Variants in ZNF385D observed in about 807,000 individuals in gnomAD.
The protein encoded by ZNF385D is zinc finger protein 385D.
ZNF385D carries 15 observed loss-of-function variants against 35.8 expected under a neutral mutation model. The ratio of observed to expected loss-of-function variants is 0.42; its 90% CI spans 0.28 to 0.64. The LOEUF is 0.64. Among genes scored for constraint, ZNF385D ranks in the 30% least tolerant of loss-of-function variants. The pLI is 0.23. For missense variants in ZNF385D, 474 were observed against 494.6 expected (o/e 0.96, Z 0.39); for synonymous variants, 212 against 186.8 (o/e 1.13, Z -1.10).
chr3:22,322,598 A>C (rs1242682834), intron 2 of ZNF385D, among the ~76,000 whole-genome samples: 1 of 152,188 alleles, frequency 6.6e-6, no homozygotes, highest in African/African-American at 2.4e-5. Context: ...TTTTCAGTTA[A>C]GGGATCTTTT....
rs559146957 is a variant in ZNF385D, at chr3:21,615,073, C to G, written c.165+49813G>C. ...GTGATATGTTTTGGATATTTGCCCC[C>G]CTCCAAATCTCATGTTTAAATATGA... On this transcript the variant is annotated intron_variant, in intron 2 of 7. Transcript: ENST00000281523. Among the ~76,000 whole-genome samples, 4 of 152,286 alleles carry G rather than the reference C, an allele frequency of 2.6e-5. No individual in the cohort carries two copies. The South Asian group carries it at 8.3e-4, about 32-fold the overall frequency.
intron 3 of ZNF385D, among the ~76,000 whole-genome samples, chr3:22,056,850 C>T (rs1252096070): frequency 6.6e-6 from 1 of 152,158 alleles, no homozygotes; most frequent in East Asian, 1.9e-4. Flanking sequence ...CTCCATGTGT[C>T]TCATTGTGGA....
At chr3:21,661,802 C>T (rs1252640382) in intron 2 of ZNF385D, among the ~76,000 whole-genome samples, 1 of 152,124 alleles carries the variant, frequency 6.6e-6, no homozygotes, top group Non-Finnish European at 1.5e-5. Flanking sequence ...TATAACTCAG[C>T]TCTGATTCTA....
At chr3:22,235,984 G>A (rs1699157182) in intron 2 of ZNF385D, among the ~76,000 whole-genome samples, 1 of 152,092 alleles carries the variant, frequency 6.6e-6, no homozygotes, top group Non-Finnish European at 1.5e-5. Context: ...CCTATGGAGA[G>A]GGGCTCACAA....
intron 2 of ZNF385D, among the ~76,000 whole-genome samples, chr3:21,614,040 A>G (rs923165611): frequency 6.6e-6 from 1 of 152,198 alleles, no homozygotes; most frequent in African/African-American, 2.4e-5. Flanking sequence ...CTAGATGACA[A>G]AGGTTCTACT....
At chr3:22,289,380 G>C (rs192958112) in intron 2 of ZNF385D, among the ~76,000 whole-genome samples, 39 of 152,234 alleles carry the variant, frequency 2.6e-4, no homozygotes, top group Admixed American at 8.5e-4. Context: ...CTTCCAGAGA[G>C]AATCTACAGA....
At chr3:21,516,297 CAGGAAGAACCCAAAAAGATAATTACAAT>C (rs761730758) in intron 3 of ZNF385D, among the ~76,000 whole-genome samples, 2 of 152,134 alleles carry the variant, frequency 1.3e-5, no homozygotes, top group African/African-American at 2.4e-5. Flanking sequence ...GTGCAGTGGG[CAGGAAGAACCCAAAAAGATAATTACAAT>C]AGGAGACCAG....
chr3:21,818,686 G>A (rs2073267070), intron 3 of ZNF385D, among the ~76,000 whole-genome samples: 1 of 152,218 alleles, frequency 6.6e-6, no homozygotes, highest in East Asian at 1.9e-4. Flanking sequence ...GAGGAAATGA[G>A]AAAGGTAAAG....
At chr3:21,794,761 T>C (rs1262583196) in intron 3 of ZNF385D, among the ~76,000 whole-genome samples, 3 of 152,128 alleles carry the variant, frequency 2.0e-5, no homozygotes, top group African/African-American at 4.8e-5. Context: ...ACCAGGAGTG[T>C]AATGGGAAAA....
chr3:21,678,926 T>C (rs1022271152), intron 1 of ZNF385D, among the ~76,000 whole-genome samples: 1 of 152,102 alleles, frequency 6.6e-6, no homozygotes, highest in East Asian at 1.9e-4. Context: ...AGAAAACTAC[T>C]TTTTAAAAAT....
At chr3:22,238,090 T>TA (rs1224410378) in intron 2 of ZNF385D, among the ~76,000 whole-genome samples, 2 of 151,114 alleles carry the variant, frequency 1.3e-5, no homozygotes, top group African/African-American at 2.4e-5. Flanking sequence ...GTAGTCTTGT[T>TA]AAAAAAACAA....
At chr3:21,422,646 C>T (rs911218739) in intron 7 of ZNF385D, among the ~76,000 whole-genome samples, 1 of 152,242 alleles carries the variant, frequency 6.6e-6, no homozygotes, top group African/African-American at 2.4e-5. Flanking sequence ...CCACCACAAT[C>T]ATTTTGGCTT....
At chr3:21,782,379 TTC>T (rs2071526837) in intron 3 of ZNF385D, among the ~76,000 whole-genome samples, 1 of 152,124 alleles carries the variant, frequency 6.6e-6, no homozygotes, top group South Asian at 2.1e-4. Flanking sequence ...GTTTAAATAT[TTC>T]TTTTATAAAT....
chr3:21,826,530 T>G (rs1034418132), intron 3 of ZNF385D, among the ~76,000 whole-genome samples: 1 of 151,928 alleles, frequency 6.6e-6, no homozygotes, highest in South Asian at 2.1e-4. Flanking sequence ...CAGGAAGGAG[T>G]CCACTTGAAA....
At chr3:21,725,805 G>C (rs1156238296) in intron 1 of ZNF385D, among the ~76,000 whole-genome samples, 1 of 152,060 alleles carries the variant, frequency 6.6e-6, no homozygotes, top group East Asian at 1.9e-4. Context: ...AATAGAAAAA[G>C]ACAGAATCCT....
intron 2 of ZNF385D, among the ~76,000 whole-genome samples, chr3:22,194,607 A>G (rs2955644): frequency 0.12 from 18,265 of 151,934 alleles, 1,425 homozygotes; most frequent in Middle Eastern, 0.22. Context: ...CACCAATAAA[A>G]TCAGCACATA....
intron 3 of ZNF385D, among the ~76,000 whole-genome samples, chr3:21,941,192 C>T (rs1014562476): frequency 6.6e-6 from 1 of 152,096 alleles, no homozygotes; most frequent in African/African-American, 2.4e-5. Flanking sequence ...TATTTGGGTT[C>T]AAAGCTTTGA....
At chr3:21,850,471 G>C (rs927927725) in intron 3 of ZNF385D, among the ~76,000 whole-genome samples, 1 of 151,992 alleles carries the variant, frequency 6.6e-6, no homozygotes, top group African/African-American at 2.4e-5. Flanking sequence ...GAAGTAGCCT[G>C]GAATTTGTGA....
chr3:21,789,589 C>G (rs755495128), intron 3 of ZNF385D, among the ~76,000 whole-genome samples: 10 of 152,148 alleles, frequency 6.6e-5, no homozygotes, highest in African/African-American at 1.2e-4. Context: ...TAATAGATTC[C>G]TTTTAACTGC....
Sources: allele counts gnomAD v4.1 joint callset (sites outside exome capture counted in the v4.1 genomes callset), GRCh38; gene constraint gnomAD v4.1.1; transcripts MANE v1.5; gene names NCBI Gene and HGNC (gene_info 2026-07-23, HGNC 2026-07-21).